TRIO: variants seen among roughly 807,000 people sequenced by gnomAD.
TRIO encodes triple functional domain protein.
Under a neutral mutation model 351.9 loss-of-function variants are expected in TRIO, and 58 were observed. The observed-to-expected ratio is 0.16, with a 90% CI of 0.13 to 0.21. The LOEUF is 0.21. Among genes scored for constraint, TRIO ranks in the 10% least tolerant of loss-of-function variants. The probability of loss-of-function intolerance (pLI) is 1.00; values close to 1 mark genes in which losing one functional copy is unlikely to be tolerated. For missense variants in TRIO, 3,201 were observed against 4,027.8 expected (o/e 0.79, Z 5.56); for synonymous variants, 1,758 against 1,595.7 (o/e 1.10, Z -2.42).
intron 7 of TRIO, 96 bp downstream of exon 7, chr5:14,297,359 T>C (rs959000267): frequency 1.5e-6 from 2 of 1,370,080 alleles, no homozygotes; most frequent in South Asian, 1.5e-5. Context: ...GTGTAGCACA[T>C]ACTGTGAGCT....
chr5:14,410,286 G>A (rs1749088444), intron 33 of TRIO, among the ~76,000 whole-genome samples: 1 of 152,174 alleles, frequency 6.6e-6, no homozygotes, highest in African/African-American at 2.4e-5. Flanking sequence ...GCGTTTGTGT[G>A]TGCTCTGCTT....
At chr5:14,294,436 A>G (rs888403237) in intron 6 of TRIO, among the ~76,000 whole-genome samples, 6 of 152,238 alleles carry the variant, frequency 3.9e-5, no homozygotes, top group Non-Finnish European at 7.3e-5. Flanking sequence ...TTTGTAAAAA[A>G]TTACTGTCAG....
chr5:14,185,754 T>C (rs1483258155), intron 1 of TRIO, among the ~76,000 whole-genome samples: 3 of 152,200 alleles, frequency 2.0e-5, no homozygotes, highest in Admixed American at 1.3e-4. Flanking sequence ...TTGATTTCTC[T>C]CATTTGTAAA....
At chr5:14,395,004 A>G (rs1313071168) in intron 28 of TRIO, among the ~76,000 whole-genome samples, 1 of 152,246 alleles carries the variant, frequency 6.6e-6, no homozygotes, top group Non-Finnish European at 1.5e-5. Flanking sequence ...ATGGTATTCT[A>G]TGAATCCTGC....
At position 14,336,535 on chromosome 5, in the gene TRIO, G is replaced by A; in HGVS notation, c.1855-1G>A. ...TTTCTCTGGGATGTTCTCTTGTGCAGAACACATACACCAATGCGGATAAAT... is the reference window on the plus strand; with the variant it reads ...TTTCTCTGGGATGTTCTCTTGTGCAAAACACATACACCAATGCGGATAAAT... On this transcript the variant is annotated splice_acceptor_variant, in intron 10 of 56. Transcript: ENST00000344204. LOFTEE classifies it high-confidence loss of function. The A allele has an allele frequency of 6.2e-7, 1 of 1,614,052 alleles. No individual in the cohort carries two copies. The highest frequency in any genetic ancestry group is 8.5e-7 in the Non-Finnish European group (1 of 1,179,966).
intron 8 of TRIO, among the ~76,000 whole-genome samples, chr5:14,311,100 A>G (rs2152301562): frequency 6.6e-6 from 1 of 152,256 alleles, no homozygotes; most frequent in East Asian, 1.9e-4. Flanking sequence ...CCCATATGAC[A>G]GCTGTCTTCT....
chr5:14,310,404 A>G (rs1383803074), intron 8 of TRIO, among the ~76,000 whole-genome samples: 1 of 152,238 alleles, frequency 6.6e-6, no homozygotes, highest in Non-Finnish European at 1.5e-5. Flanking sequence ...GCTGGATCTC[A>G]TGTGACTTCA....
At chr5:14,496,611 G>A (rs565014312) in intron 49 of TRIO, among the ~76,000 whole-genome samples, 38 of 152,236 alleles carry the variant, frequency 2.5e-4, no homozygotes, top group African/African-American at 8.9e-4. Context: ...ATATCTAGGC[G>A]TCCTGTGACC....
chr5:14,199,219 A>AAAAG (rs1554031816), intron 1 of TRIO, among the ~76,000 whole-genome samples: 11 of 147,006 alleles, frequency 7.5e-5, no homozygotes, highest in Middle Eastern at 7.0e-3. Flanking sequence ...AAAAAAAAAA[A>AAAAG]CCTCCCTAAA....
chr5:14,146,768 A>G (rs1278107586), intron 1 of TRIO, among the ~76,000 whole-genome samples: 1 of 152,150 alleles, frequency 6.6e-6, no homozygotes, highest in Non-Finnish European at 1.5e-5. Context: ...CTGAGTCCTC[A>G]GTGCCTAATC....
chr5:14,238,968 T>C (rs16903322), intron 1 of TRIO, among the ~76,000 whole-genome samples: 5,257 of 152,282 alleles, frequency 0.035, 303 homozygotes, highest in African/African-American at 0.12. Context: ...GATGCCAGCT[T>C]GTATCACTGC....
intron 37 of TRIO, 41 bp downstream of exon 37, chr5:14,465,681 C>T: frequency 6.2e-7 from 1 of 1,602,666 alleles, no homozygotes; most frequent in Non-Finnish European, 8.5e-7. Flanking sequence ...GGAAGCTGCT[C>T]TGTGTTGCTA....
At chr5:14,354,187 C>T (rs1743403141) in intron 11 of TRIO, among the ~76,000 whole-genome samples, 1 of 152,180 alleles carries the variant, frequency 6.6e-6, no homozygotes, top group Non-Finnish European at 1.5e-5. Context: ...GGTTGGGACA[C>T]CTGTATTTCA....
At chr5:14,500,066 A>AG (rs1467576762) in intron 53 of TRIO, among the ~76,000 whole-genome samples, 1 of 151,860 alleles carries the variant, frequency 6.6e-6, no homozygotes, top group East Asian at 1.9e-4. Flanking sequence ...AAAAAAAAAA[A>AG]AAAGACTATT....
intron 1 of TRIO, among the ~76,000 whole-genome samples, chr5:14,173,712 A>T (rs77157520): frequency 6.6e-6 from 1 of 152,350 alleles, no homozygotes; most frequent in African/African-American, 2.4e-5. Context: ...CTTAGGACAG[A>T]TTAAGAGACT....
Position 14,507,218 on chromosome 5 carries a change from C to G in TRIO, c.8709C>G (p.Val2903=). 1.2e-6 allele frequency: 2 copies of G among 1,611,846 alleles called. No homozygotes were observed. Among genetic ancestry groups the G allele is most frequent in the South Asian group, 1.1e-5 (1 of 90,912 alleles). Residue 2903 remains valine, a synonymous_variant, in exon 56 of 57, where the codon GTC becomes GTG. Coordinates refer to ENST00000344204, the MANE Select transcript of TRIO (RefSeq NM_007118.4). ...RAHLGEVLEA[V]RYLHNCRIAH... ...ACCTGGGGGAGGTTCTGGAAGCTGT[C>G]CGGTACCTGCACAACTGCAGGATAG...
intron 11 of TRIO, among the ~76,000 whole-genome samples, chr5:14,356,212 A>G (rs1444690078): frequency 2.0e-5 from 3 of 152,216 alleles, no homozygotes; most frequent in African/African-American, 7.2e-5. Flanking sequence ...ATGTATGTAA[A>G]TATTGCTCAG....
At chr5:14,212,113 T>C (rs1791943342) in intron 1 of TRIO, among the ~76,000 whole-genome samples, 2 of 152,054 alleles carry the variant, frequency 1.3e-5, no homozygotes, top group South Asian at 2.1e-4. Context: ...CACTGCAGCC[T>C]GGGCGACAGA....
rs1756993348 is a variant in TRIO at position 14,497,706 on chromosome 5, G to GA, written c.8020-137dup. 1 of 1,083,190 alleles carries GA rather than the reference G, an allele frequency of 9.2e-7. No individual in the cohort carries two copies. Among genetic ancestry groups the GA allele is most frequent in the Admixed American group, 1.9e-5 (1 of 51,954 alleles). 67.1% of individuals were successfully genotyped at this position (1,083,190 alleles called of 1,614,324 possible). A position where few individuals can be genotyped will look rare whatever the true frequency, so the allele number is the denominator to read the frequency against. ...GTGACATGAAACTTTTGAGTGCAGT[G>GA]AAAATGTGGTCTGTTTTGATTGATG... On this transcript the variant is annotated intron_variant, in intron 50 of 56. Transcript: ENST00000344204. The surrounding 1 kb of genome is among the most constrained non-coding windows in gnomAD (Gnocchi z 4.4).
Sources: gnomAD v4.1 joint callset for allele counts (sites outside exome capture counted in the v4.1 genomes callset) on GRCh38, gnomAD v4.1.1 for gene constraint, Gnocchi (gnomAD v3.1) non-coding constraint, MANE v1.5 for transcripts, NCBI Gene and HGNC (gene_info 2026-07-23, HGNC 2026-07-21) for gene names.